The following DGKB variants were observed in gnomAD, a reference collection of about 807,000 sequenced individuals.
DGKB encodes the protein diacylglycerol kinase beta, also known as 90 kDa diacylglycerol kinase.
Under a neutral mutation model 114.3 loss-of-function variants are expected in DGKB, and 67 were observed. The ratio of observed to expected loss-of-function variants is 0.59; its 90% CI spans 0.48 to 0.72. The LOEUF (loss-of-function observed/expected upper bound fraction) is 0.72. Ranked by LOEUF, DGKB falls within the 30% of genes least tolerant of loss-of-function variation. DGKB has a pLI of 0.00. For synonymous variants in DGKB, 398 were observed against 323.1 expected, an observed-to-expected ratio of 1.23 and a Z score of -2.49; for missense variants, 907 against 975.2, an observed-to-expected ratio of 0.93 and a Z score of 0.93.
chr7:14,423,402 T>G (rs2128768836), intron 21 of DGKB, among the ~76,000 whole-genome samples: 1 of 152,146 alleles, frequency 6.6e-6, no homozygotes, highest in African/African-American at 2.4e-5. Flanking sequence ...TTAGTAAAAT[T>G]GTCTGACGTT....
At position 14,698,139 on chromosome 7, in the gene DGKB, G is replaced by C. The variant is rs1377157721; in HGVS notation, c.547C>G (p.His183Asp). ...ELENIISQMM[H>D]VAEYLEWDVT... is the part of the protein sequence containing the mutation. ...TCCCACTCAAGGTATTCTGCAACAT[G>C]CATCATCTGACTGATGATATTTTCT... Residue 183 changes from histidine (H) to aspartate (D), a missense_variant, in exon 8 of 26, where the codon CAT becomes GAT. Around this residue, in one of 3 missense-constraint regions of DGKB, gnomAD observed 814 missense variants for 856.6 expected, o/e 0.95. Coordinates refer to ENST00000402815, the MANE Select transcript of DGKB (RefSeq NM_001350709.2). 2 of 1,534,390 alleles carry C rather than the reference G, an allele frequency of 1.3e-6. No homozygotes were observed. Among genetic ancestry groups the C allele is most frequent in the Non-Finnish European group, 1.7e-6 (2 of 1,144,654 alleles).
intron 9 of DGKB, 135 bp downstream of exon 9, chr7:14,693,940 A>T (rs1053686021): frequency 4.4e-5 from 41 of 940,696 alleles, no homozygotes; most frequent in Admixed American, 1.1e-4. Flanking sequence ...GCACCGTGGC[A>T]TACTTATTAA....
At chr7:14,530,667 C>A (rs914426723) in intron 20 of DGKB, among the ~76,000 whole-genome samples, 1 of 151,360 alleles carries the variant, frequency 6.6e-6, no homozygotes, top group East Asian at 1.9e-4. Flanking sequence ...GAGATATGTG[C>A]CATATACAAG....
intron 2 of DGKB, among the ~76,000 whole-genome samples, chr7:14,761,568 C>G (rs1019736958): frequency 6.6e-6 from 1 of 152,180 alleles, no homozygotes; most frequent in Non-Finnish European, 1.5e-5. Context: ...GGATCTATAA[C>G]TAGGCCTGAC....
intron 17 of DGKB, among the ~76,000 whole-genome samples, chr7:14,602,690 C>G (rs1400934455): frequency 6.6e-6 from 1 of 152,148 alleles, no homozygotes; most frequent in Non-Finnish European, 1.5e-5. Context: ...TCTCCTGGCC[C>G]CTGGACCTTG....
At chr7:14,453,434 T>C (rs1318566550) in intron 21 of DGKB, among the ~76,000 whole-genome samples, 2 of 152,146 alleles carry the variant, frequency 1.3e-5, no homozygotes, top group African/African-American at 2.4e-5. Context: ...GTAGCACATA[T>C]GGTTCTGGAC....
chr7:14,938,297 T>C lies in DGKB; in HGVS notation c.-188+36399A>G, dbSNP rs112035808. Among the ~76,000 whole-genome samples, 3 of 152,186 alleles carry C rather than the reference T, an allele frequency of 2.0e-5. No individual in the cohort carries two copies. The East Asian group carries it at 5.8e-4, about 29-fold the overall frequency. ...TCTGAATATAATTTTAAAGGTGGTATCTAAGAGATTAAACAGAATACAGAG... is the reference window on the plus strand; with the variant it reads ...TCTGAATATAATTTTAAAGGTGGTACCTAAGAGATTAAACAGAATACAGAG... On this transcript the variant is annotated intron_variant, in intron 1 of 4. Coordinates refer to the DGKB transcript ENST00000437998.
chr7:14,169,850 G>T (rs189101432), intron 25 of DGKB, among the ~76,000 whole-genome samples: 1 of 152,014 alleles, frequency 6.6e-6, no homozygotes, highest in East Asian at 1.9e-4. Flanking sequence ...AATACATTAA[G>T]GCAGCCAGGT....
chr7:14,876,477 C>T (rs933878499), intron 1 of DGKB, among the ~76,000 whole-genome samples: 1 of 152,176 alleles, frequency 6.6e-6, no homozygotes, highest in Non-Finnish European at 1.5e-5. Context: ...ACAACACTCG[C>T]GGGCTAAGCC....
intron 21 of DGKB, among the ~76,000 whole-genome samples, chr7:14,408,223 T>C (rs767593197): frequency 6.6e-6 from 1 of 152,132 alleles, no homozygotes; most frequent in African/African-American, 2.4e-5. Context: ...GTGTGATTGA[T>C]TGGGATTTTA....
At chr7:14,483,293 C>A (rs759996849) in intron 20 of DGKB, among the ~76,000 whole-genome samples, 2 of 152,008 alleles carry the variant, frequency 1.3e-5, no homozygotes, top group Non-Finnish European at 2.9e-5. Flanking sequence ...TGCTTTTTTG[C>A]CACTGTATTT....
At chr7:14,576,802 C>G (rs184997327) in intron 19 of DGKB, among the ~76,000 whole-genome samples, 116 of 152,272 alleles carry the variant, frequency 7.6e-4, no homozygotes, top group Non-Finnish European at 1.2e-3. Flanking sequence ...ATCTTTACCA[C>G]TGGATATGTG....
intron 1 of DGKB, among the ~76,000 whole-genome samples, chr7:14,937,461 T>C (rs889106821): frequency 3.9e-5 from 6 of 152,148 alleles, no homozygotes; most frequent in African/African-American, 1.4e-4. Flanking sequence ...TCCAAGTTTA[T>C]TTTTTTAAAT....
chr7:14,960,277 A>T (rs1786766272), intron 1 of DGKB, among the ~76,000 whole-genome samples: 1 of 152,130 alleles, frequency 6.6e-6, no homozygotes, highest in Admixed American at 6.6e-5. Flanking sequence ...TAAAGAATAT[A>T]TAACAGCTTG....
chr7:14,607,841 A>AT (rs60772844), intron 16 of DGKB, among the ~76,000 whole-genome samples: 5,661 of 151,586 alleles, frequency 0.037, 319 homozygotes, highest in African/African-American at 0.12. Flanking sequence ...AAATAAATGT[A>AT]TTTTTTTAAT....
At chr7:14,974,472 C>G (rs969480830) in intron 1 of DGKB, among the ~76,000 whole-genome samples, 1 of 152,044 alleles carries the variant, frequency 6.6e-6, no homozygotes, top group African/African-American at 2.4e-5. Flanking sequence ...AAGACTGATT[C>G]AAATGTTACT....
chr7:14,689,540 T>C (rs1822445661), intron 9 of DGKB, among the ~76,000 whole-genome samples: 1 of 152,148 alleles, frequency 6.6e-6, no homozygotes, highest in Non-Finnish European at 1.5e-5. Flanking sequence ...AGAAAAGTTT[T>C]AAAATTCTGA....
intron 9 of DGKB, among the ~76,000 whole-genome samples, chr7:14,688,722 T>G (rs899643109): frequency 6.6e-6 from 1 of 152,198 alleles, no homozygotes; most frequent in African/African-American, 2.4e-5. Context: ...CAACTCTTAG[T>G]TGCCTACAAG....
At chr7:14,209,833 C>A (rs1427972001) in intron 23 of DGKB, among the ~76,000 whole-genome samples, 3 of 150,992 alleles carry the variant, frequency 2.0e-5, no homozygotes, top group African/African-American at 4.9e-5. Flanking sequence ...GTTATTTTAT[C>A]ATTATATTAT....
Sources: gnomAD v4.1 joint callset for allele counts (sites outside exome capture counted in the v4.1 genomes callset) on GRCh38, gnomAD v4.1.1 for gene constraint, gnomAD v4.1.1 regional missense constraint, MANE v1.5 for transcripts, NCBI Gene and HGNC (gene_info 2026-07-23, HGNC 2026-07-21) for gene names.